HDHD5: variants seen among roughly 807,000 people sequenced by gnomAD.
The protein encoded by HDHD5 is haloacid dehalogenase-like hydrolase domain-containing 5.
A neutral mutation model predicts 35.5 loss-of-function variants in HDHD5; 34 were observed. That is an observed-to-expected ratio of 0.96 (90% CI 0.73 to 1.28). The LOEUF (loss-of-function observed/expected upper bound fraction) is 1.28, where lower values mean the gene tolerates loss of function less well. HDHD5 is among the 50% of genes most tolerant of loss of function. The pLI is 0.00. For synonymous variants in HDHD5, 248 were observed against 240.6 expected (o/e 1.03, Z -0.29); for missense variants, 589 against 560.2 (o/e 1.05, Z -0.52).
intron 1 of HDHD5, among the ~76,000 whole-genome samples, chr22:17,155,991 T>C (rs1305795933): frequency 6.6e-6 from 1 of 152,192 alleles, no homozygotes; most frequent in Non-Finnish European, 1.5e-5. Context: ...CCAAAAGGTT[T>C]TCATTACTAG....
At chr22:17,164,769 A>G (rs1601411325) in intron 1 of HDHD5, among the ~76,000 whole-genome samples, 2 of 152,246 alleles carry the variant, frequency 1.3e-5, no homozygotes, top group African/African-American at 4.8e-5. Context: ...GCTAAAAGTC[A>G]TGGTTGCTTT....
At chr22:17,155,692 G>A (rs1374942975) in intron 1 of HDHD5, among the ~76,000 whole-genome samples, 1 of 152,020 alleles carries the variant, frequency 6.6e-6, no homozygotes, top group Non-Finnish European at 1.5e-5. Context: ...AGAGAACCAG[G>A]CACCCAGTAC....
At chr22:17,161,258 A>AG (rs1392675414), upstream of HDHD5, among the ~76,000 whole-genome samples, 2 of 149,804 alleles carry the variant, frequency 1.3e-5, no homozygotes, top group African/African-American at 2.5e-5. Flanking sequence ...AAAAAAAAAA[A>AG]AAAGAAAGAA....
At chr22:17,140,397 G>A (rs2061586464) in intron 6 of HDHD5, among the ~76,000 whole-genome samples, 1 of 152,092 alleles carries the variant, frequency 6.6e-6, no homozygotes, top group Non-Finnish European at 1.5e-5. Context: ...TTATCTGCTG[G>A]GTCTCAGTTC....
At chr22:17,144,752 T>C (rs2061641254) in intron 4 of HDHD5, among the ~76,000 whole-genome samples, 1 of 152,006 alleles carries the variant, frequency 6.6e-6, no homozygotes, top group South Asian at 2.1e-4. Flanking sequence ...GGTCTCACTA[T>C]GTTGCCCAGG....
chr22:17,149,432 G>A (rs1003442679), intron 2 of HDHD5, 110 bp downstream of exon 2: 15 of 986,122 alleles, frequency 1.5e-5, no homozygotes, highest in Non-Finnish European at 2.3e-5. Context: ...CCATGACCTA[G>A]GACTAGGTGA....
At chr22:17,157,312 G>C (rs1484581699) in intron 1 of HDHD5, among the ~76,000 whole-genome samples, 1 of 148,622 alleles carries the variant, frequency 6.7e-6, no homozygotes, top group Non-Finnish European at 1.5e-5. Context: ...CTGTTGCCCG[G>C]GCTGGAGTGC....
In HDHD5 at chr22:17,149,620, G is replaced by A. The variant is rs777232342; in HGVS notation, c.252C>T (p.Pro84=). The change falls in exon 2 of 8, where the codon CCC becomes CCT. Residue 84 remains proline, a synonymous_variant. Transcript: ENST00000336737. ...TCCCAGCATTTGTAACAAAAACCAC[G>A]GGCACCCGCAGCTGCCCCTGGGAGT... ...LVNSQGQLRV[P]VVFVTNAGNI... 4.2e-5 allele frequency: 67 copies of A among 1,613,284 alleles called. No homozygotes were observed. The highest frequency in any genetic ancestry group is 3.6e-4 in the Middle Eastern group (2 of 5,498).
chr22:17,163,187 G>A (rs1282367978), upstream of HDHD5, among the ~76,000 whole-genome samples: 4 of 152,148 alleles, frequency 2.6e-5, no homozygotes, highest in South Asian at 2.1e-4. Context: ...CATGTTACTC[G>A]TGGGGTTTGT....
intron 1 of HDHD5, among the ~76,000 whole-genome samples, chr22:17,156,215 G>A (rs2061788323): frequency 6.6e-6 from 1 of 152,216 alleles, no homozygotes. Flanking sequence ...ATGGGACATG[G>A]TGTGAAGGCA....
chr22:17,138,476 T>C (rs2061560842), intron 7 of HDHD5, 74 bp downstream of exon 7: 2 of 1,546,960 alleles, frequency 1.3e-6, no homozygotes. Flanking sequence ...TATAGGGAAA[T>C]GGGGGTGAGA....
chr22:17,163,393 G>T (rs1335894536), upstream of HDHD5, among the ~76,000 whole-genome samples: 1 of 152,208 alleles, frequency 6.6e-6, no homozygotes, highest in Non-Finnish European at 1.5e-5. Flanking sequence ...TTTGGAGTTT[G>T]GATGTGCATA....
chr22:17,149,421 G>T, intron 2 of HDHD5, 121 bp downstream of exon 2: 1 of 849,970 alleles, frequency 1.2e-6, no homozygotes, highest in Non-Finnish European at 1.9e-6. Flanking sequence ...TTCAGCTGTG[G>T]CCATGACCTA....
intron 5 of HDHD5, chr22:17,141,584 G>A: frequency 1.8e-6 from 2 of 1,095,726 alleles, no homozygotes; most frequent in South Asian, 2.9e-5. Context: ...AAGGGCTCCT[G>A]TTCCCTCAGT....
chr22:17,154,142 G>A (rs948997162), intron 1 of HDHD5, among the ~76,000 whole-genome samples: 13 of 150,644 alleles, frequency 8.6e-5, no homozygotes, highest in Middle Eastern at 3.2e-3. Flanking sequence ...GATTACAGGC[G>A]TGAGCCACCG....
At chr22:17,160,434 A>T (rs1445070614), upstream of HDHD5, among the ~76,000 whole-genome samples, 13 of 151,670 alleles carry the variant, frequency 8.6e-5, no homozygotes, top group Admixed American at 6.6e-5. Context: ...GTGGATCAGG[A>T]GGTCAGGGGT....
chr22:17,162,678 C>A (rs1435967291), upstream of HDHD5, among the ~76,000 whole-genome samples: 1 of 152,216 alleles, frequency 6.6e-6, no homozygotes, highest in East Asian at 1.9e-4. Flanking sequence ...TTATTAGATT[C>A]TCTGGGTTCA....
intron 3 of HDHD5, among the ~76,000 whole-genome samples, chr22:17,147,436 C>T (rs973883503): frequency 1.5e-5 from 2 of 136,998 alleles, no homozygotes; most frequent in Admixed American, 7.9e-5. Flanking sequence ...TGTGAGCTTA[C>T]CGGCCTTCAC....
chr22:17,149,769 C>T (rs756984248), intron 1 of HDHD5, 24 bp from the exon 2 acceptor site: 6 of 1,605,092 alleles, frequency 3.7e-6, no homozygotes, highest in Non-Finnish European at 5.1e-6. Context: ...AAGATAATTA[C>T]CAGTACGTGA....
Sources: gnomAD v4.1 joint callset for allele counts (sites outside exome capture counted in the v4.1 genomes callset) on GRCh38, gnomAD v4.1.1 for gene constraint, MANE v1.5 for transcripts, NCBI Gene and HGNC (gene_info 2026-07-23, HGNC 2026-07-21) for gene names.